ANO2: variants seen among roughly 807,000 people sequenced by gnomAD.
ANO2 encodes the protein anoctamin 2, also known as anoctamin-2.
ANO2 carries 101 observed loss-of-function variants against 124.2 expected under a neutral mutation model. The observed-to-expected ratio is 0.81, with a 90% confidence interval of 0.69 to 0.96. ANO2 has a LOEUF of 0.96. Among genes scored for constraint, ANO2 ranks in the 40% least tolerant of loss-of-function variants. The pLI, the probability that ANO2 is intolerant of heterozygous loss-of-function variation, is 0.00. For synonymous variants in ANO2, 486 were observed against 482.5 expected (o/e 1.01, Z -0.09); for missense variants, 1,293 against 1,274.5 (o/e 1.01, Z -0.22).
chr12:5,758,115 G>A (rs1038661464), intron 10 of ANO2, among the ~76,000 whole-genome samples: 1 of 152,142 alleles, frequency 6.6e-6, no homozygotes, highest in Non-Finnish European at 1.5e-5. Context: ...CTGACCCAAG[G>A]ACCTAGGCAA....
intron 23 of ANO2, among the ~76,000 whole-genome samples, 177 bp downstream of exon 23, chr12:5,575,657 A>G (rs1040804010): frequency 6.6e-6 from 1 of 152,226 alleles, no homozygotes; most frequent in Non-Finnish European, 1.5e-5. Flanking sequence ...CTAAATACAG[A>G]AGATGTATGG....
intron 14 of ANO2, among the ~76,000 whole-genome samples, chr12:5,667,210 T>C (rs1947773779): frequency 6.6e-6 from 1 of 152,140 alleles, no homozygotes; most frequent in Non-Finnish European, 1.5e-5. Context: ...TACAACAGAC[T>C]TTAGTGAGTT....
chr12:5,772,583 A>C (rs1400174380), intron 10 of ANO2, among the ~76,000 whole-genome samples: 1 of 152,192 alleles, frequency 6.6e-6, no homozygotes, highest in Non-Finnish European at 1.5e-5. Flanking sequence ...TCATTACCCA[A>C]ACCAAAGATG....
intron 7 of ANO2, among the ~76,000 whole-genome samples, chr12:5,813,830 T>TA (rs951281890): frequency 6.6e-6 from 1 of 152,162 alleles, no homozygotes; most frequent in African/African-American, 2.4e-5. Context: ...TGGGAAATGT[T>TA]AGAGTCAGAA....
At chr12:5,927,462 G>A (rs1295755333) in intron 1 of ANO2, among the ~76,000 whole-genome samples, 2 of 152,178 alleles carry the variant, frequency 1.3e-5, no homozygotes, top group Admixed American at 6.5e-5. Flanking sequence ...AAAAACAGGT[G>A]AAGCCTGTTT....
intron 10 of ANO2, among the ~76,000 whole-genome samples, chr12:5,776,265 G>A (rs945585903): frequency 1.3e-4 from 20 of 152,212 alleles, no homozygotes; most frequent in African/African-American, 3.6e-4. Flanking sequence ...AGAAAGTGAA[G>A]GTCACAGGTG....
chr12:5,573,751 A>G (rs1348162001), intron 23 of ANO2, among the ~76,000 whole-genome samples: 2 of 152,244 alleles, frequency 1.3e-5, no homozygotes, highest in Non-Finnish European at 2.9e-5. Flanking sequence ...GACACTTATG[A>G]GTAAATTTAT....
At chr12:5,864,690 AGGTCCT>A (rs1326011511) in intron 3 of ANO2, among the ~76,000 whole-genome samples, 1 of 152,216 alleles carries the variant, frequency 6.6e-6, no homozygotes, top group Admixed American at 6.5e-5. Context: ...GATGATCAGT[AGGTCCT>A]GGCTGGCCTG....
chr12:5,725,558 G>A (rs1950403038), intron 14 of ANO2, among the ~76,000 whole-genome samples: 1 of 152,194 alleles, frequency 6.6e-6, no homozygotes, highest in African/African-American at 2.4e-5. Context: ...GGTTAGGTCT[G>A]GCCAATGGGA....
chr12:5,897,531 T>C (rs1591759458), intron 3 of ANO2, among the ~76,000 whole-genome samples: 1 of 152,048 alleles, frequency 6.6e-6, no homozygotes, highest in East Asian at 1.9e-4. Context: ...TAATGAGATA[T>C]TGGCACAAGG....
At chr12:5,822,387 G>T (rs1487777217) in intron 7 of ANO2, among the ~76,000 whole-genome samples, 1 of 152,196 alleles carries the variant, frequency 6.6e-6, no homozygotes, top group Non-Finnish European at 1.5e-5. Flanking sequence ...CAGTGGAGTG[G>T]ACAGGATGAC....
At chr12:5,755,876 A>C (rs573982429) in intron 10 of ANO2, among the ~76,000 whole-genome samples, 1 of 152,044 alleles carries the variant, frequency 6.6e-6, no homozygotes, top group Non-Finnish European at 1.5e-5. Flanking sequence ...AGACTTCATG[A>C]ATTTGGATGT....
intron 14 of ANO2, among the ~76,000 whole-genome samples, chr12:5,662,486 T>C (rs1245761296): frequency 6.6e-6 from 1 of 152,240 alleles, no homozygotes; most frequent in Admixed American, 6.5e-5. Context: ...CCAACAGCCA[T>C]GTGCTCTGGT....
chr12:5,671,386 C>T (rs989006651), intron 14 of ANO2, among the ~76,000 whole-genome samples: 3 of 151,624 alleles, frequency 2.0e-5, no homozygotes, highest in African/African-American at 4.8e-5. Flanking sequence ...CAAACTCTGC[C>T]GAGACAAAAA....
intron 3 of ANO2, among the ~76,000 whole-genome samples, chr12:5,886,644 T>C (rs370959258): frequency 1.2e-4 from 18 of 152,250 alleles, no homozygotes; most frequent in East Asian, 1.2e-3. Context: ...AGATGTTGGA[T>C]ATGTCTATTA....
intron 1 of ANO2, among the ~76,000 whole-genome samples, chr12:5,931,429 A>C (rs1942377209): frequency 6.6e-6 from 1 of 152,112 alleles, no homozygotes; most frequent in South Asian, 2.1e-4. Flanking sequence ...ATTAAAGCTA[A>C]ACAGAATGTG....
At chr12:5,607,597 C>A (rs1336671613) in intron 19 of ANO2, among the ~76,000 whole-genome samples, 1 of 152,112 alleles carries the variant, frequency 6.6e-6, no homozygotes, top group Non-Finnish European at 1.5e-5. Context: ...GGCCACACAG[C>A]AGCAGGTGAG....
intron 3 of ANO2, among the ~76,000 whole-genome samples, chr12:5,899,718 A>G (rs553774484): frequency 3.5e-4 from 54 of 152,272 alleles, no homozygotes; most frequent in Admixed American, 1.3e-3. Flanking sequence ...ATTCCAGATA[A>G]CTGTTCTTAG....
intron 10 of ANO2, among the ~76,000 whole-genome samples, chr12:5,772,645 T>C (rs1952116837): frequency 6.6e-6 from 1 of 152,228 alleles, no homozygotes; most frequent in Non-Finnish European, 1.5e-5. Context: ...GTTTTTTTCT[T>C]ACATAATTTA....
Sources: gnomAD v4.1 joint callset for allele counts (sites outside exome capture counted in the v4.1 genomes callset) on GRCh38, gnomAD v4.1.1 for gene constraint, MANE v1.5 for transcripts, NCBI Gene and HGNC (gene_info 2026-07-23, HGNC 2026-07-21) for gene names.